The following SLC25A13 variants were observed in gnomAD, a reference collection of about 807,000 sequenced individuals.
SLC25A13 encodes the protein solute carrier family 25 member 13.
A neutral mutation model predicts 85.5 loss-of-function variants in SLC25A13; 70 were observed. That is an observed-to-expected ratio of 0.82 (90% CI 0.68 to 1.00). The LOEUF (loss-of-function observed/expected upper bound fraction) is 1.00. Among genes scored for constraint, SLC25A13 ranks in the 50% least tolerant of loss-of-function variants. The pLI is 0.00. For missense variants in SLC25A13, 765 were observed against 819.8 expected, an observed-to-expected ratio of 0.93 and a Z score of 0.82; for synonymous variants, 259 against 288.7, an observed-to-expected ratio of 0.90 and a Z score of 1.04.
chr7:96,129,955 G>A (rs576225698), intron 15 of SLC25A13, among the ~76,000 whole-genome samples: 13 of 152,292 alleles, frequency 8.5e-5, no homozygotes, highest in Non-Finnish European at 1.5e-4. Flanking sequence ...TAGGAAAAAT[G>A]AGTAAAAATG....
At chr7:96,311,937 T>C (rs1390848860) in intron 1 of SLC25A13, among the ~76,000 whole-genome samples, 2 of 152,200 alleles carry the variant, frequency 1.3e-5, no homozygotes, top group Admixed American at 6.5e-5. Context: ...GAGGTTGTTA[T>C]GTCCCGTTCA....
At chr7:96,181,722 C>A (rs1247794315) in intron 11 of SLC25A13, among the ~76,000 whole-genome samples, 1 of 152,042 alleles carries the variant, frequency 6.6e-6, no homozygotes. Flanking sequence ...ACATGTTGAG[C>A]AAAATTCTGT....
chr7:96,259,557 C>A (rs771251649), intron 3 of SLC25A13, among the ~76,000 whole-genome samples: 3 of 152,152 alleles, frequency 2.0e-5, no homozygotes, highest in Non-Finnish European at 4.4e-5. Context: ...CAGGAAACAA[C>A]AGATGCTGGA....
chr7:96,262,856 C>T (rs368858529), intron 3 of SLC25A13, among the ~76,000 whole-genome samples: 1 of 152,092 alleles, frequency 6.6e-6, no homozygotes, highest in African/African-American at 2.4e-5. Context: ...ATTATTTAAC[C>T]TCTCTAATTC....
intron 15 of SLC25A13, among the ~76,000 whole-genome samples, chr7:96,123,465 A>G (rs973008795): frequency 6.6e-6 from 1 of 152,238 alleles, no homozygotes; most frequent in Non-Finnish European, 1.5e-5. Context: ...TAAAATGGGC[A>G]AAAAGTTCCC....
chr7:96,239,212 C>T (rs1475647531), intron 3 of SLC25A13, among the ~76,000 whole-genome samples: 1 of 149,492 alleles, frequency 6.7e-6, no homozygotes, highest in Non-Finnish European at 1.5e-5. Context: ...GAGTATTATA[C>T]ATCTATGCAG....
intron 1 of SLC25A13, among the ~76,000 whole-genome samples, chr7:96,299,609 T>C (rs1325598586): frequency 6.6e-6 from 1 of 152,202 alleles, no homozygotes; most frequent in Non-Finnish European, 1.5e-5. Context: ...GTAGTGGCCT[T>C]CCTACAGACC....
chr7:96,317,805 A>AT (rs67556510), intron 1 of SLC25A13, among the ~76,000 whole-genome samples: 78,265 of 143,846 alleles, frequency 0.54, 22,854 homozygotes, highest in Non-Finnish European at 0.65. Flanking sequence ...ATTTTACTTT[A>AT]TTTTATTTTT....
At chr7:96,134,005 T>A (rs977557796) in intron 14 of SLC25A13, among the ~76,000 whole-genome samples, 34 of 151,830 alleles carry the variant, frequency 2.2e-4, no homozygotes, top group African/African-American at 8.2e-4. Flanking sequence ...ACCAAGCTTT[T>A]AGCTTTTCTT....
intron 3 of SLC25A13, among the ~76,000 whole-genome samples, chr7:96,246,097 T>C (rs1447872913): frequency 6.6e-6 from 1 of 152,228 alleles, no homozygotes; most frequent in Non-Finnish European, 1.5e-5. Flanking sequence ...CCAGGTACTT[T>C]GAATGCACCC....
At chr7:96,149,426 A>G (rs1792931860) in intron 13 of SLC25A13, among the ~76,000 whole-genome samples, 1 of 152,202 alleles carries the variant, frequency 6.6e-6, no homozygotes, top group African/African-American at 2.4e-5. Context: ...AAGAACTTAC[A>G]CTCAACTCCC....
At chr7:96,241,112 T>A in intron 3 of SLC25A13, among the ~76,000 whole-genome samples, 1 of 144,800 alleles carries the variant, frequency 6.9e-6, no homozygotes, top group African/African-American at 2.6e-5. Context: ...GAAAGGCACT[T>A]TATACCAAGG....
intron 3 of SLC25A13, among the ~76,000 whole-genome samples, chr7:96,254,597 A>G (rs1416706327): frequency 1.3e-5 from 2 of 152,130 alleles, no homozygotes; most frequent in African/African-American, 2.4e-5. Flanking sequence ...TATATACCCT[A>G]TTGGATCTGT....
chr7:96,139,640 T>C (rs1449652660), intron 14 of SLC25A13, among the ~76,000 whole-genome samples: 2 of 152,224 alleles, frequency 1.3e-5, no homozygotes, highest in Non-Finnish European at 2.9e-5. Flanking sequence ...GTTGGTATAT[T>C]TGTGAAAAGA....
At chr7:96,206,187 GCACAGTGGCAGCTTGTT>G (rs1795456257) in intron 5 of SLC25A13, among the ~76,000 whole-genome samples, 1 of 152,170 alleles carries the variant, frequency 6.6e-6, no homozygotes, top group East Asian at 1.9e-4. Flanking sequence ...GTAGCAGCAT[GCACAGTGGCAGCTTGTT>G]CACATTTCAA....
intron 11 of SLC25A13, among the ~76,000 whole-genome samples, chr7:96,181,766 T>C: frequency 6.6e-6 from 1 of 152,158 alleles, no homozygotes; most frequent in Non-Finnish European, 1.5e-5. Context: ...TTTAAAAACA[T>C]GTATGAATTA....
At chr7:96,121,508 C>T in intron 17 of SLC25A13, 131 bp from the exon 18 acceptor site, 1 of 1,381,490 alleles carries the variant, frequency 7.2e-7, no homozygotes, top group Non-Finnish European at 1.0e-6. Flanking sequence ...GTATGTTCCC[C>T]TTGGAAATGA....
intron 13 of SLC25A13, among the ~76,000 whole-genome samples, chr7:96,162,071 A>G (rs535184470): frequency 5.9e-5 from 9 of 152,358 alleles, no homozygotes; most frequent in Non-Finnish European, 1.0e-4. Flanking sequence ...TATAAGTAAG[A>G]TATGTGCAGA....
At chr7:96,222,816 T>C (rs1303654511) in intron 4 of SLC25A13, among the ~76,000 whole-genome samples, 3 of 152,218 alleles carry the variant, frequency 2.0e-5, no homozygotes, top group African/African-American at 7.2e-5. Flanking sequence ...TTTTCCAATC[T>C]GTCTCTTGTA....
Sources: gnomAD v4.1 joint callset for allele counts (sites outside exome capture counted in the v4.1 genomes callset) on GRCh38, gnomAD v4.1.1 for gene constraint, MANE v1.5 for transcripts, NCBI Gene and HGNC (gene_info 2026-07-23, HGNC 2026-07-21) for gene names.